PRRC2C: variants seen among roughly 807,000 people sequenced by gnomAD.
PRRC2C encodes protein PRRC2C.
A neutral mutation model predicts 317.2 loss-of-function variants in PRRC2C; 72 were observed. The observed-to-expected ratio is 0.23, with a 90% CI of 0.19 to 0.28. The LOEUF is 0.28. Ranked by LOEUF, PRRC2C falls within the 10% of genes least tolerant of loss-of-function variation. The probability of loss-of-function intolerance (pLI) is 1.00; values close to 1 mark genes in which losing one functional copy is unlikely to be tolerated. For missense variants in PRRC2C, 3,074 were observed against 3,459.7 expected, an observed-to-expected ratio of 0.89 and a Z score of 2.80; for synonymous variants, 1,296 against 1,205.9, an observed-to-expected ratio of 1.07 and a Z score of -1.55.
Position 171,517,683 on chromosome 1 carries a change from G to A in PRRC2C, c.619G>A (p.Ala207Thr), listed in dbSNP as rs766492036. 1 of 1,613,572 alleles carries A rather than the reference G, an allele frequency of 6.2e-7. No homozygotes were observed. Among genetic ancestry groups the A allele is most frequent in the Admixed American group, 1.7e-5 (1 of 59,912 alleles). The change falls in exon 6 of 35, where the codon GCT becomes ACT. Residue 207 changes from alanine to threonine, a missense_variant. Physicochemically the swap from Ala to Thr is moderately conservative, Grantham distance 58 (BLOSUM62 0). Transcript: ENST00000647382. Reference protein sequence around the residue: ...EKLPGQDESTAGTSEQNDILK... With the variant: ...EKLPGQDESTTGTSEQNDILK... ...GCTCCCTGGCCAGGATGAAAGCACA[G>A]CTGGAACATCAGAGCAAAATGATAT...
chr1:171,586,886 G>A, intron 30 of PRRC2C, 117 bp from the exon 31 acceptor site: 3 of 832,758 alleles, frequency 3.6e-6, no homozygotes, highest in Non-Finnish European at 5.6e-6. Context: ...GCACCTGGCC[G>A]ATGTGTTCTG....
rs765231608 is a variant in PRRC2C, at chr1:171,568,295, G to T, written c.6607G>T (p.Val2203Leu). 6.2e-7 allele frequency: 1 copy of T among 1,610,138 alleles called. No individual in the cohort carries two copies. The highest frequency in any genetic ancestry group is 2.2e-5 in the East Asian group (1 of 44,814). Residue 2203 changes from valine to leucine, a missense_variant, in exon 23 of 35, where the codon GTG becomes TTG. Around this residue, in one of 11 missense-constraint regions of PRRC2C, gnomAD observed 640 missense variants for 676.1 expected, o/e 0.95. Coordinates refer to ENST00000647382, the MANE Select transcript of PRRC2C (RefSeq NM_001387844.1). ...ACCCTCTTCTTCTTTGCCTAACACC[G>T]TGGCTACTAATAATACAAAGATGGA... Reference protein sequence around the residue: ...TTPSSSLPNTVATNNTKMEDT... With the variant: ...TTPSSSLPNTLATNNTKMEDT...
intron 19 of PRRC2C, 40 bp downstream of exon 19, chr1:171,558,183 A>G (rs235482): frequency 0.82 from 1,281,263 of 1,558,872 alleles, 527,006 homozygotes; most frequent in East Asian, 0.89. Flanking sequence ...GGAATGGCAT[A>G]GGAATACTGA....
chr1:171,523,665 T>A (rs528081372), intron 9 of PRRC2C, 143 bp downstream of exon 9: 2 of 736,374 alleles, frequency 2.7e-6, no homozygotes, highest in East Asian at 5.4e-5. Context: ...GAATAGAGGG[T>A]GCTTAATGAG....
At chr1:171,534,045 C>T (rs1676358626) in intron 12 of PRRC2C, among the ~76,000 whole-genome samples, 1 of 152,164 alleles carries the variant, frequency 6.6e-6, no homozygotes, top group South Asian at 2.1e-4. Context: ...TTCTACAAGG[C>T]ACTGCTGCTT....
In PRRC2C at chr1:171,515,803, A is replaced by G; in HGVS notation, c.470A>G (p.Lys157Arg). 6.2e-7 allele frequency: 1 copy of G among 1,612,946 alleles called. No homozygotes were observed. Among genetic ancestry groups the G allele is most frequent in the Non-Finnish European group, 8.5e-7 (1 of 1,179,272 alleles). Reference sequence around the variant, plus strand: ...CAGGCAGCTGGGGATCAGGAAAAAAAAGAAAAGGAAACAAATGATGACAAC... The same window carrying G: ...CAGGCAGCTGGGGATCAGGAAAAAAGAGAAAAGGAAACAAATGATGACAAC... The part of the protein sequence containing the change: ...SLQAAGDQEK[K>R]EKETNDDNYG... Residue 157 changes from lysine to arginine, a missense_variant, in exon 5 of 35, where the codon AAA (lysine) becomes AGA (arginine). By Grantham distance (26) the Lys-to-Arg change is conservative (BLOSUM62 2). Transcript: ENST00000647382.
chr1:171,509,265 A>T (rs910385360), intron 1 of PRRC2C, among the ~76,000 whole-genome samples: 1 of 152,182 alleles, frequency 6.6e-6, no homozygotes, highest in Admixed American at 6.5e-5. Flanking sequence ...TTTTGCCATG[A>T]AATAGATGCC....
Position 171,561,041 on chromosome 1 carries a change from C to A in PRRC2C, c.6055C>A (p.Pro2019Thr). ...KKLGPISPPQ[P>T]PSVSAWNKPL... ...AGTAGGTCCCATTAGTCCACCACAG[C>A]CACCTTCAGTCAGTGCATGGAATAA... The change falls in exon 20 of 35, where the codon CCA (proline) becomes ACA (threonine). Residue 2019 changes from proline to threonine, a missense_variant. Physicochemically the swap from Pro to Thr is conservative, Grantham distance 38 (BLOSUM62 -1). Around this residue, in one of 11 missense-constraint regions of PRRC2C, gnomAD observed 640 missense variants for 676.1 expected, o/e 0.95. Transcript: ENST00000647382. 1 of 1,606,622 alleles carries A rather than the reference C, an allele frequency of 6.2e-7. No individual in the cohort carries two copies. The highest frequency in any genetic ancestry group is 8.5e-7 in the Non-Finnish European group (1 of 1,173,206).
chr1:171,523,393 A>C (rs1246283932), intron 8 of PRRC2C, 39 bp downstream of exon 8: 3 of 1,613,704 alleles, frequency 1.9e-6, no homozygotes, highest in Non-Finnish European at 2.5e-6. Context: ...AAATTGTTAG[A>C]TGCTTTCAAG....
intron 20 of PRRC2C, among the ~76,000 whole-genome samples, chr1:171,561,747 T>G (rs1682757046): frequency 6.6e-6 from 1 of 152,242 alleles, no homozygotes; most frequent in South Asian, 2.1e-4. Flanking sequence ...GTTTCTATCT[T>G]GAGGACTTAA....
intron 17 of PRRC2C, 23 bp downstream of exon 17, chr1:171,545,710 TTTATTTA>T (rs759237209): frequency 1.8e-6 from 1 of 545,880 alleles, no homozygotes; most frequent in South Asian, 9.1e-5. Context: ...TTTCTTTCAT[TTTATTTA>T]TTTATTTATT....
At chr1:171,491,409 G>A (rs543320221) in intron 1 of PRRC2C, among the ~76,000 whole-genome samples, 77 of 152,296 alleles carry the variant, frequency 5.1e-4, no homozygotes, top group Non-Finnish European at 9.8e-4. Flanking sequence ...CTTAGGCCTC[G>A]CAGAGGGAAC....
chr1:171,485,765 A>G (rs2101981584), intron 1 of PRRC2C, 30 bp downstream of exon 1: 1 of 152,224 alleles, frequency 6.6e-6, no homozygotes, highest in South Asian at 2.1e-4. Flanking sequence ...GGGGGCCGCG[A>G]TCAAAGAGGG....
intron 1 of PRRC2C, among the ~76,000 whole-genome samples, chr1:171,506,114 C>T (rs753150289): frequency 2.0e-5 from 3 of 152,132 alleles, no homozygotes; most frequent in African/African-American, 7.2e-5. Context: ...CTAGACTGGT[C>T]TCGAACTCCT....
chr1:171,545,950 C>CA (rs1437059599), intron 17 of PRRC2C, among the ~76,000 whole-genome samples: 1 of 151,876 alleles, frequency 6.6e-6, no homozygotes. Flanking sequence ...ACTGTTCTTC[C>CA]AAAAAAGAGG....
chr1:171,523,040 G>A (rs1035730651), intron 7 of PRRC2C, among the ~76,000 whole-genome samples, 181 bp from the exon 8 acceptor site: 4 of 151,882 alleles, frequency 2.6e-5, no homozygotes, highest in Non-Finnish European at 4.4e-5. Flanking sequence ...TAAGAGTTAC[G>A]TATTATCCTA....
At chr1:171,565,993 C>A (rs1273307571) in intron 20 of PRRC2C, among the ~76,000 whole-genome samples, 1 of 152,138 alleles carries the variant, frequency 6.6e-6, no homozygotes, top group Non-Finnish European at 1.5e-5. Flanking sequence ...CATGATCACA[C>A]TCATGAGAGC....
In PRRC2C at chr1:171,561,079, G is replaced by A. The variant is rs148244294; in HGVS notation, c.6093G>A (p.Ser2031=). 406 of 1,604,452 alleles carry A rather than the reference G, an allele frequency of 2.5e-4. No homozygotes were observed. The highest frequency in any genetic ancestry group is 3.5e-4 in the Admixed American group (21 of 59,998). Residue 2031 remains serine (S), a synonymous_variant, in exon 20 of 35, where the codon TCG becomes TCA. Coordinates refer to ENST00000647382, the MANE Select transcript of PRRC2C (RefSeq NM_001387844.1). ...GTGCATGGAATAAGCCCTTAACATC[G>A]TTTGGATCAGCTCCTTCATCAGAGG... ...SVSAWNKPLT[S]FGSAPSSEGA... is the part of the protein sequence containing the mutation.
intron 19 of PRRC2C, among the ~76,000 whole-genome samples, chr1:171,559,066 G>A (rs771207691): frequency 1.3e-5 from 2 of 152,320 alleles, no homozygotes; most frequent in Non-Finnish European, 1.5e-5. Context: ...CCTGAGAGAG[G>A]TGAGGCAGCT....
Sources: allele counts gnomAD v4.1 joint callset (sites outside exome capture counted in the v4.1 genomes callset), GRCh38; gene constraint gnomAD v4.1.1; regional missense constraint gnomAD v4.1.1; transcripts MANE v1.5; gene names NCBI Gene and HGNC (gene_info 2026-07-23, HGNC 2026-07-21).